SLCO1B3: variants seen among roughly 807,000 people sequenced by gnomAD.
SLCO1B3 encodes the protein liver-specific organic anion transporter 2.
In SLCO1B3, 72 loss-of-function variants were observed where a neutral mutation model predicts 71.8. The observed-to-expected ratio is 1.00, with a 90% CI of 0.83 to 1.22. The LOEUF is 1.22. SLCO1B3 is among the 50% of genes most tolerant of loss of function. The probability of loss-of-function intolerance (pLI) is 0.00; values close to 1 mark genes in which losing one functional copy is unlikely to be tolerated. For missense variants in SLCO1B3, 911 were observed against 819.7 expected, an observed-to-expected ratio of 1.11 and a Z score of -1.36; for synonymous variants, 298 against 278.4, an observed-to-expected ratio of 1.07 and a Z score of -0.70.
chr12:20,872,501 T>A (rs893703322), intron 8 of SLCO1B3, among the ~76,000 whole-genome samples: 1 of 151,256 alleles, frequency 6.6e-6, no homozygotes, highest in Non-Finnish European at 1.5e-5. Context: ...ACAGAAGGAG[T>A]CTTTCACCGC....
intron 3 of SLCO1B3, among the ~76,000 whole-genome samples, chr12:20,851,771 T>C (rs1015192734): frequency 4.0e-5 from 6 of 150,784 alleles, no homozygotes; most frequent in Non-Finnish European, 5.9e-5. Flanking sequence ...CTCTGTATTT[T>C]CTTCTAAGAG....
At chr12:20,880,831 T>C in intron 11 of SLCO1B3, 24 bp from the exon 12 acceptor site, 1 of 1,503,650 alleles carries the variant, frequency 6.7e-7, no homozygotes, top group South Asian at 1.2e-5. Context: ...CTTTTTTTGA[T>C]ATATTTCTAT....
At chr12:20,869,558 C>T (rs1252369357) in intron 8 of SLCO1B3, among the ~76,000 whole-genome samples, 1 of 152,152 alleles carries the variant, frequency 6.6e-6, no homozygotes, top group African/African-American at 2.4e-5. Context: ...GCCTCGGCAC[C>T]TGGGTGGCTT....
chr12:20,828,644 C>T (rs11519058), intron 3 of SLCO1B3, among the ~76,000 whole-genome samples: 1 of 149,898 alleles, frequency 6.7e-6, no homozygotes, highest in African/African-American at 2.5e-5. Context: ...CACACACACA[C>T]ATACACACAC....
chr12:20,810,735 G>A lies in SLCO1B3; in HGVS notation c.-210G>A, dbSNP rs1439252496. 1 of 152,184 alleles carries A rather than the reference G, an allele frequency of 6.6e-6. No homozygotes were observed. The highest frequency in any genetic ancestry group is 1.5e-5 in the Non-Finnish European group (1 of 68,026). The allele number at this position is 152,184 out of a possible 1,614,324, so 9.4% of individuals were successfully genotyped here. ...TTAACATCAGAAAAAGGATGGACTT[G>A]TTGCAGTTGCTGTAGCATTCAAAGT... On this transcript the variant is annotated 5_prime_UTR_variant, in exon 1 of 16. Transcript: ENST00000381545.
At chr12:20,889,135 A>G (rs79837087) in intron 13 of SLCO1B3, among the ~76,000 whole-genome samples, 3,239 of 149,166 alleles carry the variant, frequency 0.022, 122 homozygotes, top group African/African-American at 0.075. Context: ...TATGTTCATC[A>G]GGGATATTAA....
chr12:20,898,495 C>T lies in SLCO1B3; in HGVS notation c.1742C>T (p.Thr581Ile). The T allele has an allele frequency of 2.0e-6, 3 of 1,534,562 alleles. No homozygotes were observed. The highest frequency in any genetic ancestry group is 2.3e-5 in the South Asian group (2 of 87,622). Residue 581 changes from threonine (T) to isoleucine (I), a missense_variant, in exon 14 of 16, where the codon ACA becomes ATA. Coordinates refer to ENST00000381545, the MANE Select transcript of SLCO1B3 (RefSeq NM_019844.4). ...AMGFQSMVIR[T>I]LGGILAPIYF... ...GGTTTCCAGTCAATGGTTATAAGAACACTAGGTATGACAAATATATAGATT... is the reference window on the plus strand; with the variant it reads ...GGTTTCCAGTCAATGGTTATAAGAATACTAGGTATGACAAATATATAGATT...
chr12:20,897,784 A>G (rs1866044477), intron 13 of SLCO1B3, among the ~76,000 whole-genome samples: 1 of 152,110 alleles, frequency 6.6e-6, no homozygotes, highest in African/African-American at 2.4e-5. Flanking sequence ...TTCTCTTGGT[A>G]TGTACTAAGT....
At chr12:20,860,697 C>G (rs2417943) in intron 5 of SLCO1B3, among the ~76,000 whole-genome samples, 102 of 150,406 alleles carry the variant, frequency 6.8e-4, no homozygotes, top group African/African-American at 2.4e-3. Flanking sequence ...GATAAATAGA[C>G]ATAGTTAACA....
chr12:20,828,972 T>C (rs1471053859), intron 3 of SLCO1B3, among the ~76,000 whole-genome samples: 3 of 119,906 alleles, frequency 2.5e-5, no homozygotes, highest in East Asian at 4.5e-4. Context: ...GGTAATTTTT[T>C]CCTTTTGCTG....
intron 1 of SLCO1B3, among the ~76,000 whole-genome samples, chr12:20,811,640 C>G (rs1864112046): frequency 6.6e-6 from 1 of 152,152 alleles, no homozygotes; most frequent in African/African-American, 2.4e-5. Context: ...TCAGCCCAAT[C>G]AAACTGTGAA....
intron 3 of SLCO1B3, among the ~76,000 whole-genome samples, chr12:20,840,585 G>T (rs1165250288): frequency 5.9e-5 from 9 of 151,878 alleles, no homozygotes; most frequent in Non-Finnish European, 1.3e-4. Context: ...TAGAGACGGG[G>T]TTTCACCATC....
At chr12:20,857,697 G>A (rs1565591365) in intron 4 of SLCO1B3, among the ~76,000 whole-genome samples, 1 of 151,606 alleles carries the variant, frequency 6.6e-6, no homozygotes, top group African/African-American at 2.4e-5. Flanking sequence ...ATTTATTCTT[G>A]TGTTGCTTTA....
At chr12:20,872,463 G>A (rs773538151) in intron 8 of SLCO1B3, among the ~76,000 whole-genome samples, 26 of 151,894 alleles carry the variant, frequency 1.7e-4, no homozygotes, top group Non-Finnish European at 2.8e-4. Context: ...AGACAAAGTC[G>A]CCTTTATTTT....
intron 3 of SLCO1B3, among the ~76,000 whole-genome samples, chr12:20,835,118 G>A (rs1864649336): frequency 6.6e-6 from 1 of 152,186 alleles, no homozygotes; most frequent in Non-Finnish European, 1.5e-5. Context: ...AGTCCAAGCT[G>A]TACCTTGGCC....
chr12:20,883,104 G>A (rs952393570), intron 12 of SLCO1B3, among the ~76,000 whole-genome samples: 2 of 152,106 alleles, frequency 1.3e-5, no homozygotes, highest in Admixed American at 1.3e-4. Context: ...CTTTCCCAGA[G>A]TAAGTCCCTA....
chr12:20,891,313 A>AT (rs35786308), intron 13 of SLCO1B3, among the ~76,000 whole-genome samples: 41 of 145,356 alleles, frequency 2.8e-4, no homozygotes, highest in Admixed American at 4.8e-4. Flanking sequence ...CTTGGCTGGC[A>AT]TTTTTTTTTT....
chr12:20,839,324 C>G lies in SLCO1B3; in HGVS notation c.85-15704C>G, dbSNP rs141521591. 2.8e-3 allele frequency among the ~76,000 whole-genome samples: 424 copies of G among 152,154 alleles called. 6 individuals are homozygous for G. The highest frequency in any genetic ancestry group is 0.022 in the Admixed American group (341 of 15,288). ...TTTTCTCTTTCTCTAAAAAACTGCT[C>G]TTAACATCTTGCAAGGCAACTCTGA... On this transcript the variant is annotated intron_variant, in intron 3 of 15. Coordinates refer to ENST00000381545, the MANE Select transcript of SLCO1B3 (RefSeq NM_019844.4).
At chr12:20,846,410 C>G (rs1864921205) in intron 3 of SLCO1B3, among the ~76,000 whole-genome samples, 1 of 152,142 alleles carries the variant, frequency 6.6e-6, no homozygotes, top group Non-Finnish European at 1.5e-5. Flanking sequence ...TATTTAACTT[C>G]GTTGACTTGG....
Sources: allele counts gnomAD v4.1 joint callset (sites outside exome capture counted in the v4.1 genomes callset), GRCh38; gene constraint gnomAD v4.1.1; transcripts MANE v1.5; gene names NCBI Gene and HGNC (gene_info 2026-07-23, HGNC 2026-07-21).